Variants in TTBK2 observed in about 807,000 individuals in gnomAD.
The protein encoded by TTBK2 is tau-tubulin kinase 2.
TTBK2 carries 28 observed loss-of-function variants against 110.8 expected under a neutral mutation model. The ratio of observed to expected loss-of-function variants is 0.25; its 90% CI spans 0.19 to 0.35. The LOEUF (loss-of-function observed/expected upper bound fraction) is 0.35, where lower values mean the gene tolerates loss of function less well. Among genes scored for constraint, TTBK2 ranks in the 10% least tolerant of loss-of-function variants. The pLI is 1.00. For missense variants in TTBK2, 1,369 were observed against 1,500.3 expected, an observed-to-expected ratio of 0.91 and a Z score of 1.45; for synonymous variants, 532 against 527.3, an observed-to-expected ratio of 1.01 and a Z score of -0.12.
At chr15:42,760,384 C>A (rs1427145398) in intron 13 of TTBK2, among the ~76,000 whole-genome samples, 84 of 89,092 alleles carry the variant, frequency 9.4e-4, no homozygotes, top group Middle Eastern at 6.7e-3. Context: ...GACTCCATCT[C>A]AAAAAAAAAA....
chr15:42,785,721 T>A (rs1250989899), intron 10 of TTBK2, among the ~76,000 whole-genome samples: 1 of 152,124 alleles, frequency 6.6e-6, no homozygotes, highest in Non-Finnish European at 1.5e-5. Context: ...CTGCCAGTTC[T>A]GTAACTCTAT....
At chr15:42,773,829 T>C (rs897097957) in intron 13 of TTBK2, among the ~76,000 whole-genome samples, 3 of 151,634 alleles carry the variant, frequency 2.0e-5, no homozygotes, top group Non-Finnish European at 2.9e-5. Flanking sequence ...AGGGAGTTAG[T>C]AGTTACCTCC....
At chr15:42,770,936 G>A (rs1163359119) in intron 13 of TTBK2, among the ~76,000 whole-genome samples, 1 of 151,792 alleles carries the variant, frequency 6.6e-6, no homozygotes, top group Non-Finnish European at 1.5e-5. Flanking sequence ...AGCATGCCTT[G>A]CCAGGAAAGC....
At chr15:42,811,364 A>G (rs1206650411) in intron 8 of TTBK2, among the ~76,000 whole-genome samples, 4 of 152,204 alleles carry the variant, frequency 2.6e-5, no homozygotes, top group African/African-American at 9.6e-5. Context: ...TCTAAATCAA[A>G]CAATATAATA....
At position 42,775,648 on chromosome 15, in the gene TTBK2, A is replaced by G; in HGVS notation, c.1485T>C (p.Val495=). 6.2e-7 allele frequency: 1 copy of G among 1,613,204 alleles called. No homozygotes were observed. The highest frequency in any genetic ancestry group is 8.5e-7 in the Non-Finnish European group (1 of 1,179,440). Residue 495 remains valine, a synonymous_variant, in exon 13 of 15, where the codon GTT becomes GTC. Coordinates refer to ENST00000267890, the MANE Select transcript of TTBK2 (RefSeq NM_173500.4). The part of the protein sequence containing the change: ...ILPALLHKPC[V]PAVSRTDHIW... ...TGTGGTCAGTACGGGACACAGCAGG[A>G]ACGCAAGGCTTATGCAGCAGAGCAG...
chr15:42,748,646 C>A (rs2140568944), intron 14 of TTBK2, among the ~76,000 whole-genome samples: 1 of 151,956 alleles, frequency 6.6e-6, no homozygotes, highest in South Asian at 2.1e-4. Context: ...CTCCTGAGCT[C>A]AAGCAATCTG....
chr15:42,801,277 C>T lies in TTBK2; in HGVS notation c.823-6476G>A, dbSNP rs369970930. 56 of 1,604,622 alleles carry T rather than the reference C, an allele frequency of 3.5e-5. 4 individuals carry two copies. The highest frequency in any genetic ancestry group is 4.4e-5 in the South Asian group (4 of 90,804). ...ATCTTGATATCCAGGGCCAGCTTGA[C>T]GTTCATCAGCTCCTGGTACTCACGC... On this transcript the variant is annotated intron_variant, in intron 9 of 14. Transcript: ENST00000267890.
rs1278590188 is a variant in TTBK2, at chr15:42,878,251, G to T, written c.69+298C>A. Among the ~76,000 whole-genome samples the T allele has an allele frequency of 3.3e-5, 5 of 151,400 alleles. No individual in the cohort carries two copies. The South Asian group carries it at 1.0e-3, about 32-fold the overall frequency. On this transcript the variant is annotated intron_variant, in intron 2 of 14. Transcript: ENST00000267890. ...CCCGCCTCGGCCTCCCAAAGTGCTG[G>T]GATTATAGGCGAGAGCCACTGCGCC...
intron 9 of TTBK2, among the ~76,000 whole-genome samples, chr15:42,806,633 C>T (rs528927470): frequency 6.6e-6 from 1 of 152,280 alleles, no homozygotes; most frequent in African/African-American, 2.4e-5. Flanking sequence ...CATGCATGTA[C>T]ATGTTCTTCC....
In TTBK2 at chr15:42,740,489, G is replaced by A. The variant is rs150161993; in HGVS notation, c.*5306C>T. 18 of 151,860 alleles carry A rather than the reference G, an allele frequency of 1.2e-4. No individual in the cohort carries two copies. Among genetic ancestry groups the A allele is most frequent in the African/African-American group, 4.3e-4 (18 of 41,432 alleles). The allele number at this position is 151,860 out of a possible 1,614,324, so 9.4% of individuals were successfully genotyped here. A position where few individuals can be genotyped will look rare whatever the true frequency, so the allele number is the denominator to read the frequency against. ...CAAGCTTAAATATTTTTTTAAGTAGGAGCAGACAATCACAACTGAATTAGA... is the reference window on the plus strand; with the variant it reads ...CAAGCTTAAATATTTTTTTAAGTAGAAGCAGACAATCACAACTGAATTAGA... On this transcript the variant is annotated 3_prime_UTR_variant, in exon 15 of 15. Coordinates refer to ENST00000267890, the MANE Select transcript of TTBK2 (RefSeq NM_173500.4).
chr15:42,824,856 C>A (rs1250229370), intron 6 of TTBK2, among the ~76,000 whole-genome samples: 1 of 151,542 alleles, frequency 6.6e-6, no homozygotes, highest in Non-Finnish European at 1.5e-5. Flanking sequence ...ACAGGTGCCC[C>A]AAACCCAAAA....
chr15:42,806,633 C>A (rs528927470), intron 9 of TTBK2, among the ~76,000 whole-genome samples: 6 of 152,162 alleles, frequency 3.9e-5, no homozygotes, highest in Non-Finnish European at 8.8e-5. Flanking sequence ...CATGCATGTA[C>A]ATGTTCTTCC....
chr15:42,877,407 C>A (rs780780318), intron 2 of TTBK2, among the ~76,000 whole-genome samples: 1 of 151,938 alleles, frequency 6.6e-6, no homozygotes. Context: ...ATGTGTTAAC[C>A]CCAAATGGAA....
chr15:42,872,589 G>C, intron 3 of TTBK2, 22 bp downstream of exon 3: 1 of 1,611,890 alleles, frequency 6.2e-7, no homozygotes, highest in Non-Finnish European at 8.5e-7. Context: ...ATCATAAATT[G>C]TATATTCTAC....
intron 13 of TTBK2, among the ~76,000 whole-genome samples, chr15:42,763,163 T>TATATAC (rs1889139454): frequency 8.5e-5 from 1 of 11,806 alleles, no homozygotes; most frequent in East Asian, 2.4e-3. Context: ...TATACATATA[T>TATATAC]ATATATATAT....
intron 13 of TTBK2, among the ~76,000 whole-genome samples, chr15:42,774,022 G>A (rs945658993): frequency 6.6e-6 from 1 of 152,204 alleles, no homozygotes; most frequent in Non-Finnish European, 1.5e-5. Context: ...AGCAGTCCCA[G>A]GAAAGAGGGA....
At chr15:42,756,026 T>A (rs920973226) in intron 13 of TTBK2, among the ~76,000 whole-genome samples, 1 of 151,898 alleles carries the variant, frequency 6.6e-6, no homozygotes, top group African/African-American at 2.4e-5. Flanking sequence ...TGAAACCCTG[T>A]CTCTACTAAA....
chr15:42,918,775 G>A (rs148438272), intron 1 of TTBK2, among the ~76,000 whole-genome samples: 3 of 152,064 alleles, frequency 2.0e-5, no homozygotes, highest in Non-Finnish European at 2.9e-5. Context: ...AAGATTTCCT[G>A]AAGTATTAAA....
chr15:42,915,207 G>A (rs1473443042), intron 1 of TTBK2, among the ~76,000 whole-genome samples: 3 of 152,204 alleles, frequency 2.0e-5, no homozygotes, highest in Non-Finnish European at 4.4e-5. Context: ...TGAGTATGGT[G>A]ATGAAATCTC....
Sources: gnomAD v4.1 joint callset for allele counts (sites outside exome capture counted in the v4.1 genomes callset) on GRCh38, gnomAD v4.1.1 for gene constraint, MANE v1.5 for transcripts, NCBI Gene and HGNC (gene_info 2026-07-23, HGNC 2026-07-21) for gene names.